Variants in NALF1 observed in about 807,000 individuals in gnomAD.
NALF1 encodes family with sequence similarity 155 member A.
In NALF1, 3 loss-of-function variants were observed where a neutral mutation model predicts 48.4. The observed-to-expected ratio is 0.06, with a 90% CI of 0.03 to 0.16. The LOEUF (loss-of-function observed/expected upper bound fraction) is 0.16. Ranked by LOEUF, NALF1 falls within the 10% of genes least tolerant of loss-of-function variation. The pLI, the probability that NALF1 is intolerant of heterozygous loss-of-function variation, is 1.00. For synonymous variants in NALF1, 262 were observed against 245.7 expected, an observed-to-expected ratio of 1.07 and a Z score of -0.62; for missense variants, 526 against 571.5, an observed-to-expected ratio of 0.92 and a Z score of 0.81.
chr13:107,807,301 G>C (rs1052764711), intron 1 of NALF1, among the ~76,000 whole-genome samples: 1 of 152,116 alleles, frequency 6.6e-6, no homozygotes, highest in Non-Finnish European at 1.5e-5. Context: ...ATACTGTCAT[G>C]CATTTTTGTA....
At position 107,855,855 on chromosome 13, in the gene NALF1, T is replaced by A. The variant is rs1400423756; in HGVS notation, c.915+9827A>T. Among the ~76,000 whole-genome samples, 4 of 152,162 alleles carry A rather than the reference T, an allele frequency of 2.6e-5. No individual in the cohort carries two copies. In the East Asian group the frequency reaches 5.8e-4, roughly 22 times the overall value. On this transcript the variant is annotated intron_variant, in intron 1 of 2. Transcript: ENST00000375915. ...TGGGGAATGAATAATATATGGATGA[T>A]AACATTATTATGACAGAACTTGTTT...
intron 1 of NALF1, among the ~76,000 whole-genome samples, chr13:107,324,183 G>C (rs1882306684): frequency 6.6e-6 from 1 of 152,172 alleles, no homozygotes; most frequent in African/African-American, 2.4e-5. Context: ...TTGTATTATT[G>C]TCCTAACACT....
At chr13:107,271,569 A>G (rs1196656120) in intron 1 of NALF1, among the ~76,000 whole-genome samples, 2 of 86,904 alleles carry the variant, frequency 2.3e-5, no homozygotes, top group Non-Finnish European at 5.4e-5. Flanking sequence ...CTGAGAACTC[A>G]GCCAGGCTGT....
chr13:107,458,655 A>T (rs1387528060), intron 1 of NALF1, among the ~76,000 whole-genome samples: 1 of 152,210 alleles, frequency 6.6e-6, no homozygotes, highest in African/African-American at 2.4e-5. Flanking sequence ...CACCACTGGG[A>T]AAATCATAAA....
intron 1 of NALF1, among the ~76,000 whole-genome samples, chr13:107,848,361 T>C (rs1325483807): frequency 6.6e-6 from 1 of 152,190 alleles, no homozygotes; most frequent in East Asian, 1.9e-4. Context: ...TAAGATGGAA[T>C]GTTTGATGTT....
intron 1 of NALF1, among the ~76,000 whole-genome samples, chr13:107,788,051 C>T (rs1042434623): frequency 5.3e-5 from 8 of 152,280 alleles, no homozygotes; most frequent in Non-Finnish European, 7.3e-5. Context: ...GCTTGCCCAG[C>T]GGAGCCACCA....
chr13:107,496,127 T>G (rs959969947), intron 1 of NALF1, among the ~76,000 whole-genome samples: 1 of 152,294 alleles, frequency 6.6e-6, no homozygotes, highest in South Asian at 2.1e-4. Context: ...TTTATTAGAA[T>G]TGTAAACTAC....
rs35939139 is a variant in NALF1, at chr13:107,866,899, GGAGA to G, written c.-307_-304del. ...CCTCTGTAGAGTGGGAAACAATAATGGAGAGAGAGAGAGAGAGAGAGACGGAGGA... is the reference window on the plus strand; with the variant it reads ...CCTCTGTAGAGTGGGAAACAATAATGGAGAGAGAGAGAGAGAGACGGAGGA... On this transcript the variant is annotated 5_prime_UTR_variant, in exon 1 of 3. Coordinates refer to ENST00000375915, the MANE Select transcript of NALF1 (RefSeq NM_001080396.3). This position sits in a 1 kb window ranked among gnomAD's most constrained non-coding sequence, Gnocchi z 4.4. 3.4e-4 allele frequency among the ~76,000 whole-genome samples: 51 copies of G among 149,782 alleles called. No homozygotes were observed. Among genetic ancestry groups the G allele is most frequent in the East Asian group, 1.6e-3 (8 of 5,026 alleles).
intron 1 of NALF1, among the ~76,000 whole-genome samples, chr13:107,225,983 T>A (rs900235549): frequency 2.6e-5 from 4 of 152,024 alleles, no homozygotes; most frequent in Non-Finnish European, 5.9e-5. Context: ...ACAAAAACTT[T>A]CTACTTGCCA....
At chr13:107,328,615 A>T (rs1387193332) in intron 1 of NALF1, among the ~76,000 whole-genome samples, 1 of 152,176 alleles carries the variant, frequency 6.6e-6, no homozygotes, top group Non-Finnish European at 1.5e-5. Flanking sequence ...GTTTTGAAGA[A>T]ACAGAATGAA....
chr13:107,242,528 C>CTT (rs1880497294), intron 1 of NALF1, among the ~76,000 whole-genome samples: 1 of 152,124 alleles, frequency 6.6e-6, no homozygotes, highest in African/African-American at 2.4e-5. Context: ...AATTACAGCC[C>CTT]TTACATAATA....
At chr13:107,598,593 C>T (rs1878824571) in intron 1 of NALF1, among the ~76,000 whole-genome samples, 1 of 152,140 alleles carries the variant, frequency 6.6e-6, no homozygotes, top group South Asian at 2.1e-4. Flanking sequence ...CTTTCTCAGA[C>T]TTGTTTATAA....
chr13:107,522,227 A>G (rs1876266384), intron 1 of NALF1, among the ~76,000 whole-genome samples: 1 of 152,132 alleles, frequency 6.6e-6, no homozygotes. Flanking sequence ...ATGCTATTGG[A>G]TATTTTTCTC....
chr13:107,326,537 G>C (rs1029546649), intron 1 of NALF1, among the ~76,000 whole-genome samples: 1 of 152,134 alleles, frequency 6.6e-6, no homozygotes, highest in Non-Finnish European at 1.5e-5. Flanking sequence ...CTGGGTTAAG[G>C]AACTGGTCTA....
intron 1 of NALF1, among the ~76,000 whole-genome samples, chr13:107,453,869 T>A (rs751493431): frequency 2.6e-5 from 4 of 152,212 alleles, no homozygotes; most frequent in Non-Finnish European, 5.9e-5. Context: ...AATGCTTTGC[T>A]GCTTAGGAAT....
chr13:107,644,978 G>T (rs1332723719), intron 1 of NALF1, among the ~76,000 whole-genome samples: 2 of 151,824 alleles, frequency 1.3e-5, no homozygotes, highest in Non-Finnish European at 2.9e-5. Context: ...TGTATTAAGA[G>T]GTCATCCAAT....
chr13:107,638,045 T>A (rs970812456), intron 1 of NALF1, among the ~76,000 whole-genome samples: 1 of 151,818 alleles, frequency 6.6e-6, no homozygotes, highest in African/African-American at 2.4e-5. Context: ...CCGTAAGTCA[T>A]CTTCCTGAGT....
chr13:107,292,992 C>CTTTT (rs55786928), intron 1 of NALF1, among the ~76,000 whole-genome samples: 16 of 110,626 alleles, frequency 1.4e-4, no homozygotes, highest in East Asian at 5.7e-4. Context: ...TTTTCTTTTT[C>CTTTT]TTTTTTTTTT....
rs951778138 is a variant in NALF1 at position 107,218,035 on chromosome 13, G to A, written c.916-7280C>T. ...CACAGCTCTGCGACCTTGCCCTGCTGAGCAGTCGAGACTCATCTCTGCCCA... is the reference window on the plus strand; with the variant it reads ...CACAGCTCTGCGACCTTGCCCTGCTAAGCAGTCGAGACTCATCTCTGCCCA... On this transcript the variant is annotated intron_variant, in intron 1 of 2. Coordinates refer to ENST00000375915, the MANE Select transcript of NALF1 (RefSeq NM_001080396.3). Among the ~76,000 whole-genome samples, 9 of 152,230 alleles carry A rather than the reference G, an allele frequency of 5.9e-5. No individual in the cohort carries two copies. In the South Asian group the frequency reaches 1.7e-3, roughly 28 times the overall value.
Sources: allele counts gnomAD v4.1 joint callset (sites outside exome capture counted in the v4.1 genomes callset), GRCh38; gene constraint gnomAD v4.1.1; non-coding constraint Gnocchi (gnomAD v3.1); transcripts MANE v1.5; gene names NCBI Gene and HGNC (gene_info 2026-07-23, HGNC 2026-07-21).